SPIDR: variants seen among roughly 807,000 people sequenced by gnomAD.
The protein encoded by SPIDR is scaffold protein involved in DNA repair, also known as DNA repair-scaffolding protein.
SPIDR carries 93 observed loss-of-function variants against 104.6 expected under a neutral mutation model. The ratio of observed to expected loss-of-function variants is 0.89; its 90% CI spans 0.75 to 1.06. The LOEUF (loss-of-function observed/expected upper bound fraction) is 1.06. Among genes scored for constraint, SPIDR ranks in the 50% least tolerant of loss-of-function variants. The probability of loss-of-function intolerance (pLI) is 0.00; values close to 1 mark genes in which losing one functional copy is unlikely to be tolerated. For missense variants in SPIDR, 1,154 were observed against 1,111.2 expected, an observed-to-expected ratio of 1.04 and a Z score of -0.55; for synonymous variants, 431 against 416.9, an observed-to-expected ratio of 1.03 and a Z score of -0.41.
intron 7 of SPIDR, among the ~76,000 whole-genome samples, chr8:47,437,641 C>G (rs926691207): frequency 6.6e-6 from 1 of 151,978 alleles, no homozygotes; most frequent in Admixed American, 6.6e-5. Context: ...TGAAAAAATG[C>G]TCATCATCAC....
intron 8 of SPIDR, among the ~76,000 whole-genome samples, chr8:47,466,404 A>G (rs1473119564): frequency 2.6e-5 from 4 of 152,348 alleles, no homozygotes; most frequent in Non-Finnish European, 5.9e-5. Flanking sequence ...AAATTGAGTA[A>G]TCTGCTCCTG....
chr8:47,464,688 C>T (rs2074486774), intron 8 of SPIDR, among the ~76,000 whole-genome samples: 1 of 150,794 alleles, frequency 6.6e-6, no homozygotes. Flanking sequence ...GTCCTGTCCT[C>T]TCCCCTCCCC....
At chr8:47,336,663 T>G (rs1232317872) in intron 5 of SPIDR, among the ~76,000 whole-genome samples, 1 of 152,184 alleles carries the variant, frequency 6.6e-6, no homozygotes, top group Non-Finnish European at 1.5e-5. Flanking sequence ...AGCAGAAGGT[T>G]GTTCCCTGAG....
intron 8 of SPIDR, chr8:47,547,293 A>G: frequency 1.7e-6 from 1 of 579,712 alleles, no homozygotes; most frequent in Non-Finnish European, 3.4e-6. Context: ...CATAGATGAG[A>G]CGAAAATTCT....
intron 8 of SPIDR, among the ~76,000 whole-genome samples, chr8:47,555,331 C>A (rs1022076251): frequency 1.3e-5 from 2 of 152,104 alleles, no homozygotes; most frequent in African/African-American, 4.8e-5. Context: ...GTATGTATCT[C>A]TTGGTGCCTA....
At chr8:47,339,338 A>T (rs1422850980) in intron 5 of SPIDR, among the ~76,000 whole-genome samples, 3 of 152,226 alleles carry the variant, frequency 2.0e-5, no homozygotes, top group African/African-American at 7.2e-5. Context: ...ATGGAGAACT[A>T]ACCTAACATG....
intron 8 of SPIDR, among the ~76,000 whole-genome samples, chr8:47,497,506 A>C (rs774935162): frequency 6.6e-6 from 1 of 152,058 alleles, no homozygotes; most frequent in Non-Finnish European, 1.5e-5. Flanking sequence ...ATCTTTGTGA[A>C]TTTTCCAAAT....
At chr8:47,474,791 C>G (rs1323128568) in intron 8 of SPIDR, among the ~76,000 whole-genome samples, 1 of 152,190 alleles carries the variant, frequency 6.6e-6, no homozygotes, top group Admixed American at 6.5e-5. Context: ...TACCTGTTCT[C>G]TTTTGTAGAA....
intron 8 of SPIDR, among the ~76,000 whole-genome samples, chr8:47,592,985 C>T (rs2061228607): frequency 1.3e-5 from 2 of 152,122 alleles, no homozygotes; most frequent in African/African-American, 4.8e-5. Context: ...CTCCCAGGTT[C>T]AAGCGATTCT....
intron 5 of SPIDR, among the ~76,000 whole-genome samples, chr8:47,379,658 C>T (rs576748944): frequency 6.6e-6 from 1 of 152,340 alleles, no homozygotes; most frequent in South Asian, 2.1e-4. Context: ...GGAAAGACTA[C>T]TTACTGCAGA....
intron 10 of SPIDR, among the ~76,000 whole-genome samples, chr8:47,625,290 G>A (rs1244810719): frequency 6.6e-6 from 1 of 152,144 alleles, no homozygotes; most frequent in African/African-American, 2.4e-5. Context: ...ATACTGAATG[G>A]GCAAAAACTG....
chr8:47,701,427 C>CA (rs1001569932), intron 12 of SPIDR, among the ~76,000 whole-genome samples: 26 of 151,376 alleles, frequency 1.7e-4, no homozygotes, highest in South Asian at 6.3e-4. Flanking sequence ...AACTCTGTCT[C>CA]AAAAAAAAGC....
At chr8:47,598,811 T>C in intron 9 of SPIDR, 135 bp from the exon 10 acceptor site, 1 of 1,136,690 alleles carries the variant, frequency 8.8e-7, no homozygotes, top group Non-Finnish European at 1.2e-6. Flanking sequence ...ATCTTCATCA[T>C]CACTTCAGTG....
intron 5 of SPIDR, among the ~76,000 whole-genome samples, chr8:47,320,243 C>T (rs998315729): frequency 6.6e-6 from 1 of 152,152 alleles, no homozygotes; most frequent in South Asian, 2.1e-4. Flanking sequence ...CAAATAGATG[C>T]AATAAAAAAT....
intron 8 of SPIDR, among the ~76,000 whole-genome samples, chr8:47,544,009 T>A (rs987449484): frequency 1.3e-5 from 2 of 152,128 alleles, no homozygotes; most frequent in African/African-American, 4.8e-5. Context: ...GGAAGGAGCA[T>A]ACTGAGGCGT....
At position 47,721,638 on chromosome 8, in the gene SPIDR, A is replaced by AT. The variant is rs1402193571; in HGVS notation, c.2342-5552dup. Among the ~76,000 whole-genome samples the AT allele has an allele frequency of 2.1e-3, 318 of 148,892 alleles. 4 individuals carry two copies. Among genetic ancestry groups the AT allele is most frequent in the East Asian group, 7.1e-3 (36 of 5,090 alleles). Reference sequence around the variant, plus strand: ...AGGCACCTGCCACCATGCCCGGCTAATTTTTTTTTTGTATTTTTAGTAGAG... The same window carrying AT: ...AGGCACCTGCCACCATGCCCGGCTAATTTTTTTTTTTGTATTTTTAGTAGAG... On this transcript the variant is annotated intron_variant, in intron 16 of 19. Transcript: ENST00000297423.
intron 5 of SPIDR, among the ~76,000 whole-genome samples, chr8:47,360,125 C>T (rs934084324): frequency 3.3e-5 from 5 of 151,726 alleles, no homozygotes; most frequent in East Asian, 1.9e-4. Flanking sequence ...GCCTGTAGTC[C>T]CAGCTACTCG....
At chr8:47,576,439 C>CCACACCTGGCCATAAATATCATT (rs1347405501) in intron 8 of SPIDR, among the ~76,000 whole-genome samples, 3 of 152,076 alleles carry the variant, frequency 2.0e-5, no homozygotes, top group Non-Finnish European at 2.9e-5. Flanking sequence ...GCATGAGCCA[C>CCACACCTGGCCATAAATATCATT]TGGACCCAGC....
intron 5 of SPIDR, among the ~76,000 whole-genome samples, chr8:47,309,900 A>C (rs782739152): frequency 8.6e-5 from 13 of 151,678 alleles, no homozygotes; most frequent in Non-Finnish European, 1.3e-4. Flanking sequence ...TTAGCCGGAC[A>C]TGGTGGCGGG....
Sources: allele counts gnomAD v4.1 joint callset (sites outside exome capture counted in the v4.1 genomes callset), GRCh38; gene constraint gnomAD v4.1.1; transcripts MANE v1.5; gene names NCBI Gene and HGNC (gene_info 2026-07-23, HGNC 2026-07-21).